AGAP1: variants seen among roughly 807,000 people sequenced by gnomAD.
AGAP1 encodes the protein ArfGAP with GTPase domain, ankyrin repeat and PH domain 1.
Under a neutral mutation model 105.3 loss-of-function variants are expected in AGAP1, and 29 were observed. That is an observed-to-expected ratio of 0.28 (90% CI 0.21 to 0.38). The LOEUF (loss-of-function observed/expected upper bound fraction) is 0.38, where lower values mean the gene tolerates loss of function less well. Among genes scored for constraint, AGAP1 ranks in the 10% least tolerant of loss-of-function variants. The pLI is 1.00. For synonymous variants in AGAP1, 509 were observed against 485.9 expected, an observed-to-expected ratio of 1.05 and a Z score of -0.63; for missense variants, 998 against 1,165.1, an observed-to-expected ratio of 0.86 and a Z score of 2.09.
Position 235,737,713 on chromosome 2 carries a change from G to A in AGAP1, c.311-3250G>A, listed in dbSNP as rs541425452. Among the ~76,000 whole-genome samples the A allele has an allele frequency of 3.9e-5, 6 of 152,198 alleles. No homozygotes were observed. Among genetic ancestry groups the A allele is most frequent in the South Asian group, 4.2e-4 (2 of 4,814 alleles). On this transcript the variant is annotated intron_variant, in intron 3 of 17. Coordinates refer to ENST00000304032, the MANE Select transcript of AGAP1 (RefSeq NM_001037131.3). This position sits in a 1 kb window ranked among gnomAD's most constrained non-coding sequence, Gnocchi z 4.5. ...TGCCAGGGCGTCACGGTCATTCCAC[G>A]AGAGCTGGGTGGTGACGCTCCCCAA...
chr2:236,050,188 A>G lies in AGAP1; in HGVS notation c.2114+907A>G, dbSNP rs999068649. Among the ~76,000 whole-genome samples, 2 of 152,224 alleles carry G rather than the reference A, an allele frequency of 1.3e-5. No homozygotes were observed. Among genetic ancestry groups the G allele is most frequent in the African/African-American group, 4.8e-5 (2 of 41,444 alleles). ...AGATAAAATGAAAGTTCAAGTGGTA[A>G]TCTGTGGTTACGCCACAGAAACCGG... On this transcript the variant is annotated intron_variant, in intron 16 of 17. Coordinates refer to ENST00000304032, the MANE Select transcript of AGAP1 (RefSeq NM_001037131.3). The surrounding 1 kb of genome is among the most constrained non-coding windows in gnomAD (Gnocchi z 4.0).
intron 1 of AGAP1, among the ~76,000 whole-genome samples, chr2:235,657,890 A>G (rs897396665): frequency 2.0e-5 from 3 of 152,180 alleles, no homozygotes; most frequent in Admixed American, 6.5e-5. Context: ...AGAAGAGGAG[A>G]TTAAGACGCA....
At position 235,750,084 on chromosome 2, in the gene AGAP1, A is replaced by T. The variant is rs562593424; in HGVS notation, c.539-270A>T. ...CCTTTCTAAAGTATGTATCCTCTAG[A>T]CCCATATTTAAGTCTTTTTCCTTCT... On this transcript the variant is annotated intron_variant, in intron 5 of 17. Transcript: ENST00000304032. This position sits in a 1 kb window ranked among gnomAD's most constrained non-coding sequence, Gnocchi z 5.3. Among the ~76,000 whole-genome samples, 8 of 152,214 alleles carry T rather than the reference A, an allele frequency of 5.3e-5. No homozygotes were observed. Among genetic ancestry groups the T allele is most frequent in the African/African-American group, 1.7e-4 (7 of 41,544 alleles).
rs973703932 is a variant in AGAP1 at position 235,973,995 on chromosome 2, G to A, written c.1645+5372G>A. Among the ~76,000 whole-genome samples the A allele has an allele frequency of 1.3e-5, 2 of 152,168 alleles. No individual in the cohort carries two copies. The highest frequency in any genetic ancestry group is 1.5e-5 in the Non-Finnish European group (1 of 68,042). On this transcript the variant is annotated intron_variant, in intron 13 of 17. Transcript: ENST00000304032. The surrounding 1 kb of genome is among the most constrained non-coding windows in gnomAD (Gnocchi z 4.7). The stretch of plus-strand genomic sequence containing the variant: ...TACTTTCTGGGCATCTTCATATCTC[G>A]GGTCCAGTAGTGAGGTTGTCATTGC...
rs1229199854 is a variant in AGAP1 at position 235,712,703 on chromosome 2, GA to G, written c.222+3467del. Among the ~76,000 whole-genome samples, 1 of 152,036 alleles carries G rather than the reference GA, an allele frequency of 6.6e-6. No individual in the cohort carries two copies. Among genetic ancestry groups the G allele is most frequent in the Non-Finnish European group, 1.5e-5 (1 of 68,046 alleles). On this transcript the variant is annotated intron_variant, in intron 2 of 17. Coordinates refer to ENST00000304032, the MANE Select transcript of AGAP1 (RefSeq NM_001037131.3). The surrounding 1 kb of genome is among the most constrained non-coding windows in gnomAD (Gnocchi z 6.0). The stretch of plus-strand genomic sequence containing the variant: ...CACTTCATGTGCCTGCACAGACGGT[GA>G]CCCCTGCACAGAGGTTGACAGTGGC...
chr2:236,084,624 C>T (rs2058875388), intron 16 of AGAP1, among the ~76,000 whole-genome samples: 3 of 152,122 alleles, frequency 2.0e-5, no homozygotes, highest in Non-Finnish European at 2.9e-5. Flanking sequence ...GAATTTTTGC[C>T]GGGCACGGTA....
intron 1 of AGAP1, among the ~76,000 whole-genome samples, chr2:235,539,237 C>T (rs1304672250): frequency 1.3e-5 from 2 of 152,216 alleles, no homozygotes; most frequent in East Asian, 1.9e-4. Flanking sequence ...GGAAGGTTAC[C>T]TTCTGCAGCT....
chr2:235,986,166 C>T, intron 13 of AGAP1, among the ~76,000 whole-genome samples: 1 of 152,046 alleles, frequency 6.6e-6, no homozygotes, highest in East Asian at 1.9e-4. Flanking sequence ...TTGTCGTTCT[C>T]CTTGCACACG....
At chr2:235,780,624 A>C (rs879417386) in intron 6 of AGAP1, among the ~76,000 whole-genome samples, 6 of 152,242 alleles carry the variant, frequency 3.9e-5, no homozygotes, top group African/African-American at 1.4e-4. Context: ...AATGAGAAAG[A>C]TAAGAAATTT....
In AGAP1 at chr2:236,114,448, A is replaced by G. The variant is rs2059721369; in HGVS notation, c.2115-5744A>G. On this transcript the variant is annotated intron_variant, in intron 16 of 17. Transcript: ENST00000304032. This position sits in a 1 kb window ranked among gnomAD's most constrained non-coding sequence, Gnocchi z 5.0. The stretch of plus-strand genomic sequence containing the variant: ...GAGAAAGATGAAGGATGCTATCCAG[A>G]GTATGTGTCAGCTCAGGCTGCCAAA... Among the ~76,000 whole-genome samples the G allele has an allele frequency of 6.6e-6, 1 of 152,208 alleles. No homozygotes were observed. The highest frequency in any genetic ancestry group is 2.1e-4 in the South Asian group (1 of 4,830).
intron 9 of AGAP1, among the ~76,000 whole-genome samples, chr2:235,854,200 G>A (rs2048591146): frequency 1.3e-5 from 2 of 152,110 alleles, no homozygotes; most frequent in African/African-American, 4.8e-5. Context: ...AACCCAATTT[G>A]AAAACCGGTG....
At position 235,959,441 on chromosome 2, in the gene AGAP1, T is replaced by C. The variant is rs1163138312; in HGVS notation, c.1484-9021T>C. On this transcript the variant is annotated intron_variant, in intron 12 of 17. Transcript: ENST00000304032. The surrounding 1 kb of genome is among the most constrained non-coding windows in gnomAD (Gnocchi z 7.3). ...TAAACAACTCCTTGAAAGCGAGCTCTCGACACCTAGAAGCCAGGGGCATTC... is the reference window on the plus strand; with the variant it reads ...TAAACAACTCCTTGAAAGCGAGCTCCCGACACCTAGAAGCCAGGGGCATTC... Among the ~76,000 whole-genome samples the C allele has an allele frequency of 6.6e-6, 1 of 152,124 alleles. No individual in the cohort carries two copies. Among genetic ancestry groups the C allele is most frequent in the Non-Finnish European group, 1.5e-5 (1 of 68,022 alleles).
At chr2:236,011,898 T>A (rs931093628) in intron 13 of AGAP1, among the ~76,000 whole-genome samples, 1 of 151,962 alleles carries the variant, frequency 6.6e-6, no homozygotes, top group South Asian at 2.1e-4. Flanking sequence ...CTGGTTCCAT[T>A]TGGCACAGTG....
In AGAP1 at chr2:235,747,740, G is replaced by C. The variant is rs989782137; in HGVS notation, c.539-2614G>C. Among the ~76,000 whole-genome samples, 5 of 152,244 alleles carry C rather than the reference G, an allele frequency of 3.3e-5. No individual in the cohort carries two copies. Among genetic ancestry groups the C allele is most frequent in the Admixed American group, 6.5e-5 (1 of 15,294 alleles). On this transcript the variant is annotated intron_variant, in intron 5 of 17. Coordinates refer to ENST00000304032, the MANE Select transcript of AGAP1 (RefSeq NM_001037131.3). The surrounding 1 kb of genome is among the most constrained non-coding windows in gnomAD (Gnocchi z 5.0). ...CTCTCCGTGAAGCCCGTGCTCGGCT[G>C]CTCTTTCAGGGGTTTGGCTTCCTGG...
At chr2:235,911,803 C>T (rs183400410) in intron 11 of AGAP1, among the ~76,000 whole-genome samples, 1 of 152,354 alleles carries the variant, frequency 6.6e-6, no homozygotes, top group Non-Finnish European at 1.5e-5. Context: ...TGTAACAGGA[C>T]ATCTCCGCAA....
chr2:235,939,545 TCTC>T (rs1413444729), intron 12 of AGAP1, among the ~76,000 whole-genome samples: 2 of 150,252 alleles, frequency 1.3e-5, no homozygotes, highest in East Asian at 2.0e-4. Flanking sequence ...CTCCTTCTAT[TCTC>T]CTTCTCACCA....
chr2:236,008,807 A>C (rs1422534534), intron 13 of AGAP1, among the ~76,000 whole-genome samples: 3 of 152,252 alleles, frequency 2.0e-5, no homozygotes, highest in Non-Finnish European at 2.9e-5. Context: ...GCTGTAAAGA[A>C]AGAACCATTG....
chr2:235,928,880 A>C (rs1047111163), intron 11 of AGAP1, among the ~76,000 whole-genome samples: 1 of 152,184 alleles, frequency 6.6e-6, no homozygotes, highest in African/African-American at 2.4e-5. Context: ...GTCTCTTAAG[A>C]TGCCACATGC....
chr2:235,797,771 T>C lies in AGAP1; in HGVS notation c.686T>C (p.Ile229Thr). ...ERVFQDVAQK[I>T]VATRKKQQLS... The stretch of plus-strand genomic sequence containing the variant: ...GTGTGTCCACCAGTTGCCCAGAAGA[T>C]TGTTGCCACAAGGAAGAAGCAGCAG... Residue 229 changes from isoleucine (I) to threonine (T), a missense_variant, in exon 7 of 18, where the codon ATT (isoleucine) becomes ACT (threonine). This residue lies in a region of AGAP1 where 735 missense variants were observed against 833.4 expected (regional missense o/e 0.88). Coordinates refer to ENST00000304032, the MANE Select transcript of AGAP1 (RefSeq NM_001037131.3). The C allele has an allele frequency of 7.4e-6, 12 of 1,614,204 alleles. No homozygotes were observed. Among genetic ancestry groups the C allele is most frequent in the Non-Finnish European group, 1.0e-5 (12 of 1,180,034 alleles).
Sources: gnomAD v4.1 joint callset for allele counts (sites outside exome capture counted in the v4.1 genomes callset) on GRCh38, gnomAD v4.1.1 for gene constraint, gnomAD v4.1.1 regional missense constraint, Gnocchi (gnomAD v3.1) non-coding constraint, MANE v1.5 for transcripts, NCBI Gene and HGNC (gene_info 2026-07-23, HGNC 2026-07-21) for gene names.